Variants in OPHN1 observed in about 807,000 individuals in gnomAD.
OPHN1 encodes the protein oligophrenin-1.
A neutral mutation model predicts 60.7 loss-of-function variants in OPHN1; 11 were observed. That is an observed-to-expected ratio of 0.18 (90% CI 0.11 to 0.30). The LOEUF (loss-of-function observed/expected upper bound fraction) is 0.30. OPHN1 is among the 10% of genes least tolerant of loss of function. The pLI, the probability that OPHN1 is intolerant of heterozygous loss-of-function variation, is 1.00. For synonymous variants in OPHN1, 226 were observed against 222.6 expected (o/e 1.02, Z -0.14); for missense variants, 449 against 611.0 (o/e 0.73, Z 2.80).
chrX:68,182,403 G>C (rs1395224045), intron 15 of OPHN1, among the ~76,000 whole-genome samples: 2 of 108,283 alleles, frequency 1.8e-5, no homozygotes, highest in Non-Finnish European at 3.8e-5. Flanking sequence ...GAAAGAGAGA[G>C]GGGAAGGGAG....
At chrX:68,089,079 T>C (rs925996509) in intron 19 of OPHN1, among the ~76,000 whole-genome samples, 9 of 111,239 alleles carry the variant, frequency 8.1e-5, no homozygotes, top group African/African-American at 2.6e-4. Context: ...TGCTCCTCAA[T>C]TGATTCCTGT....
At chrX:68,168,106 T>A (rs984058349) in intron 15 of OPHN1, among the ~76,000 whole-genome samples, 1 of 109,987 alleles carries the variant, frequency 9.1e-6, no homozygotes, top group African/African-American at 3.3e-5. Context: ...AGACAGAACG[T>A]TAACAAGGAT....
At chrX:68,405,576 C>T (rs187613616) in intron 2 of OPHN1, among the ~76,000 whole-genome samples, 172 of 111,161 alleles carry the variant, frequency 1.5e-3, no homozygotes, top group African/African-American at 5.5e-3. Context: ...GACCTGTGTA[C>T]ACCTGGGATT....
rs754012270 is a variant in OPHN1, at chrX:68,380,359, G to T, written c.154+52508C>A. Among the ~76,000 whole-genome samples the T allele has an allele frequency of 7.2e-5, 8 of 110,988 alleles. 1 individual carries two copies. In the South Asian group the frequency reaches 2.7e-3, roughly 37 times the overall value. ...GTCTTGCTAGCGGTCTATCAATTTT[G>T]TTGATCCTTTCAAAAAACGAGCTCC... On this transcript the variant is annotated intron_variant, in intron 2 of 24. Transcript: ENST00000355520.
chrX:68,221,871 A>C (rs2077660985), intron 6 of OPHN1, among the ~76,000 whole-genome samples: 3 of 87,492 alleles, frequency 3.4e-5, no homozygotes, highest in African/African-American at 1.2e-4. Flanking sequence ...GGCATGGGCA[A>C]GGACTTCATG....
At chrX:68,180,047 C>G (rs888685044) in intron 15 of OPHN1, among the ~76,000 whole-genome samples, 2 of 111,559 alleles carry the variant, frequency 1.8e-5, no homozygotes, top group Non-Finnish European at 3.8e-5. Context: ...CCATAACACC[C>G]ATCCTGCTCC....
chrX:68,317,888 C>T (rs2078216898), intron 2 of OPHN1, among the ~76,000 whole-genome samples: 1 of 111,139 alleles, frequency 9.0e-6, no homozygotes. Context: ...GTAATCCCAA[C>T]ACTTTGAATC....
chrX:68,329,603 A>C (rs1026301552), intron 2 of OPHN1, among the ~76,000 whole-genome samples: 31 of 112,087 alleles, frequency 2.8e-4, no homozygotes, highest in African/African-American at 9.4e-4. Context: ...ATAACTATGC[A>C]AATGTTCTAA....
intron 15 of OPHN1, among the ~76,000 whole-genome samples, chrX:68,145,511 A>G (rs993694945): frequency 1.1e-4 from 12 of 111,935 alleles, no homozygotes; most frequent in African/African-American, 3.9e-4. Context: ...TTCGTAAAGT[A>G]TTTCAAATAT....
chrX:68,170,823 C>A (rs2077387344), intron 15 of OPHN1, among the ~76,000 whole-genome samples: 1 of 103,863 alleles, frequency 9.6e-6, no homozygotes, highest in Non-Finnish European at 2.0e-5. Context: ...AGGAGATATA[C>A]CTAATGCTAA....
At chrX:68,095,824 A>G (rs773453346) in intron 19 of OPHN1, among the ~76,000 whole-genome samples, 5 of 111,629 alleles carry the variant, frequency 4.5e-5, no homozygotes, top group South Asian at 3.8e-4. Flanking sequence ...CAAGTGTACA[A>G]GAATTTGTCA....
intron 2 of OPHN1, among the ~76,000 whole-genome samples, chrX:68,423,238 G>A (rs2078838987): frequency 9.0e-6 from 1 of 110,762 alleles, no homozygotes; most frequent in East Asian, 2.8e-4. Flanking sequence ...TGTTAGCCAG[G>A]ATGGTCTCTA....
intron 3 of OPHN1, among the ~76,000 whole-genome samples, chrX:68,297,562 ATTAC>A (rs2078101586): frequency 8.9e-6 from 1 of 112,409 alleles, no homozygotes; most frequent in South Asian, 3.7e-4. Context: ...TCATTGAAAT[ATTAC>A]TTATAATAGT....
At position 68,311,588 on chromosome X, in the gene OPHN1, G is replaced by A. The variant is rs924348007; in HGVS notation, c.155-12492C>T. ...ACTGGGATTATAAGCACCCGCCATC[G>A]CACCTGGCTCATTTTTGTATTTTTA... On this transcript the variant is annotated intron_variant, in intron 2 of 24. Coordinates refer to ENST00000355520, the MANE Select transcript of OPHN1 (RefSeq NM_002547.3). Among the ~76,000 whole-genome samples, 3 of 110,777 alleles carry A rather than the reference G, an allele frequency of 2.7e-5. No homozygotes were observed. The Admixed American group carries it at 2.9e-4, about 11-fold the overall frequency.
intron 6 of OPHN1, among the ~76,000 whole-genome samples, chrX:68,232,201 G>T (rs1307424484): frequency 9.0e-6 from 1 of 111,650 alleles, no homozygotes. Context: ...CAATAGTTTG[G>T]ATTGTGTCCA....
At chrX:68,381,712 G>A (rs1359400874) in intron 2 of OPHN1, among the ~76,000 whole-genome samples, 2 of 111,460 alleles carry the variant, frequency 1.8e-5, no homozygotes, top group African/African-American at 6.5e-5. Flanking sequence ...TGTGGCATGT[G>A]TATGGCATCT....
intron 23 of OPHN1, among the ~76,000 whole-genome samples, chrX:68,050,214 T>G (rs1225594930): frequency 9.0e-6 from 1 of 111,499 alleles, no homozygotes; most frequent in African/African-American, 3.3e-5. Flanking sequence ...CCTATGTGGA[T>G]GCTGAGTGGG....
chrX:68,233,498 T>C (rs920570421), intron 6 of OPHN1, among the ~76,000 whole-genome samples: 1 of 111,522 alleles, frequency 9.0e-6, no homozygotes, highest in Non-Finnish European at 1.9e-5. Context: ...TTCTTTTCCT[T>C]CCCTAGTGCC....
chrX:68,373,351 AG>A (rs925893625), intron 2 of OPHN1, among the ~76,000 whole-genome samples: 4 of 112,246 alleles, frequency 3.6e-5, no homozygotes, highest in Non-Finnish European at 7.5e-5. Flanking sequence ...TGTAAGAGGG[AG>A]CCCCAACATC....
Sources: gnomAD v4.1 joint callset for allele counts (sites outside exome capture counted in the v4.1 genomes callset) on GRCh38, gnomAD v4.1.1 for gene constraint, MANE v1.5 for transcripts, NCBI Gene and HGNC (gene_info 2026-07-23, HGNC 2026-07-21) for gene names.